The following ANKRD44 variants were observed in gnomAD, a reference collection of about 807,000 sequenced individuals.
The protein encoded by ANKRD44 is serine/threonine-protein phosphatase 6 regulatory ankyrin repeat subunit B.
ANKRD44 carries 35 observed loss-of-function variants against 116.0 expected under a neutral mutation model. That is an observed-to-expected ratio of 0.30 (90% CI 0.23 to 0.40). ANKRD44 has a LOEUF of 0.40. ANKRD44 is among the 10% of genes least tolerant of loss of function. ANKRD44 has a pLI of 1.00. For synonymous variants in ANKRD44, 435 were observed against 461.8 expected, an observed-to-expected ratio of 0.94 and a Z score of 0.74; for missense variants, 1,014 against 1,242.6, an observed-to-expected ratio of 0.82 and a Z score of 2.77.
At chr2:196,973,203 T>A (rs978208895) in intron 21 of ANKRD44, among the ~76,000 whole-genome samples, 1 of 152,208 alleles carries the variant, frequency 6.6e-6, no homozygotes, top group African/African-American at 2.4e-5. Flanking sequence ...ATGTTGAGAT[T>A]ATAAAATATA....
intron 16 of ANKRD44, among the ~76,000 whole-genome samples, chr2:197,041,332 T>C (rs2076907112): frequency 6.6e-6 from 1 of 152,166 alleles, no homozygotes; most frequent in Non-Finnish European, 1.5e-5. Context: ...AGGATTTTCA[T>C]ATGGGCTACC....
At chr2:197,127,866 T>C (rs1385211458) in intron 4 of ANKRD44, among the ~76,000 whole-genome samples, 2 of 152,184 alleles carry the variant, frequency 1.3e-5, no homozygotes, top group Admixed American at 6.5e-5. Context: ...CCTTCTCACA[T>C]GTCCCTCTGT....
chr2:197,277,697 A>C (rs182692622), intron 1 of ANKRD44, among the ~76,000 whole-genome samples: 40 of 152,270 alleles, frequency 2.6e-4, no homozygotes, highest in Admixed American at 9.1e-4. Context: ...GACCAGAGGG[A>C]AACAGGTAGG....
intron 8 of ANKRD44, among the ~76,000 whole-genome samples, chr2:197,114,449 C>T (rs2078662043): frequency 6.6e-6 from 1 of 152,148 alleles, no homozygotes; most frequent in African/African-American, 2.4e-5. Flanking sequence ...ATATTTACAA[C>T]AAATATTAGT....
chr2:197,010,694 G>GA (rs2076284156), intron 18 of ANKRD44, among the ~76,000 whole-genome samples: 1 of 152,202 alleles, frequency 6.6e-6, no homozygotes, highest in Non-Finnish European at 1.5e-5. Context: ...GAGAGCAACC[G>GA]TGGTTAAAAT....
chr2:197,115,750 A>G (rs936497384), intron 8 of ANKRD44, among the ~76,000 whole-genome samples: 1 of 152,228 alleles, frequency 6.6e-6, no homozygotes, highest in African/African-American at 2.4e-5. Flanking sequence ...TGTGGTACAG[A>G]GAGATAACAA....
chr2:196,998,026 G>A (rs968887493), intron 25 of ANKRD44, among the ~76,000 whole-genome samples: 1 of 152,166 alleles, frequency 6.6e-6, no homozygotes, highest in African/African-American at 2.4e-5. Flanking sequence ...CCAAAATGTG[G>A]TACAACAACC....
chr2:197,214,861 C>T (rs1443177375), intron 1 of ANKRD44, among the ~76,000 whole-genome samples: 2 of 152,038 alleles, frequency 1.3e-5, no homozygotes, highest in Admixed American at 6.6e-5. Context: ...ACTAGAAGAA[C>T]AGCTGGATTT....
At chr2:197,257,459 AC>A (rs761102478) in intron 1 of ANKRD44, among the ~76,000 whole-genome samples, 9 of 152,210 alleles carry the variant, frequency 5.9e-5, no homozygotes, top group Non-Finnish European at 1.0e-4. Context: ...GGGGAAAAAA[AC>A]AATCATGACT....
intron 21 of ANKRD44, among the ~76,000 whole-genome samples, chr2:196,969,806 T>G (rs368242802): frequency 6.6e-6 from 1 of 152,318 alleles, no homozygotes; most frequent in East Asian, 1.9e-4. Context: ...TTAATAGTGT[T>G]CAGAACCAGC....
chr2:197,058,509 T>A (rs1250866305), intron 16 of ANKRD44, among the ~76,000 whole-genome samples: 1 of 151,882 alleles, frequency 6.6e-6, no homozygotes, highest in African/African-American at 2.4e-5. Flanking sequence ...AATAGATAAG[T>A]TTAAGAAGAT....
chr2:196,979,554 C>CCTTTT (rs2075785197), intron 21 of ANKRD44, among the ~76,000 whole-genome samples: 1 of 59,634 alleles, frequency 1.7e-5, no homozygotes, highest in African/African-American at 6.4e-5. Flanking sequence ...AATAAGATGA[C>CCTTTT]TTTTTTTTTT....
At chr2:197,162,167 C>T (rs1226388384) in intron 2 of ANKRD44, among the ~76,000 whole-genome samples, 7 of 152,288 alleles carry the variant, frequency 4.6e-5, no homozygotes, top group Non-Finnish European at 8.8e-5. Flanking sequence ...TCTCTATAGT[C>T]CTCAAGTCAA....
intron 16 of ANKRD44, among the ~76,000 whole-genome samples, chr2:197,064,482 C>T (rs1029877854): frequency 2.6e-5 from 4 of 152,162 alleles, no homozygotes; most frequent in Non-Finnish European, 1.5e-5. Flanking sequence ...GGGCTAAATG[C>T]TCCAATTAAA....
At chr2:197,094,665 G>C (rs190079587) in intron 10 of ANKRD44, among the ~76,000 whole-genome samples, 15 of 152,184 alleles carry the variant, frequency 9.9e-5, no homozygotes, top group African/African-American at 3.6e-4. Context: ...TGCTCACTGA[G>C]AGGATGAGAC....
chr2:197,165,801 G>A (rs932192155), intron 2 of ANKRD44, among the ~76,000 whole-genome samples: 1 of 152,166 alleles, frequency 6.6e-6, no homozygotes, highest in Non-Finnish European at 1.5e-5. Flanking sequence ...CTATTGGTAC[G>A]TGATAGCTTT....
At chr2:197,289,113 T>A (rs961026088) in intron 1 of ANKRD44, among the ~76,000 whole-genome samples, 1 of 152,194 alleles carries the variant, frequency 6.6e-6, no homozygotes, top group African/African-American at 2.4e-5. Context: ...TACCCCCAAA[T>A]ACACTGGTTT....
intron 1 of ANKRD44, among the ~76,000 whole-genome samples, chr2:197,286,383 T>TC (rs1477841114): frequency 6.6e-6 from 1 of 151,330 alleles, no homozygotes; most frequent in Non-Finnish European, 1.5e-5. Flanking sequence ...TTTTTTTCTT[T>TC]TTTTTTTAAG....
intron 1 of ANKRD44, among the ~76,000 whole-genome samples, chr2:197,225,011 G>C (rs2081669173): frequency 6.6e-6 from 1 of 152,190 alleles, no homozygotes; most frequent in Non-Finnish European, 1.5e-5. Flanking sequence ...TGACACAAAA[G>C]AGGATTATAT....
Sources: allele counts gnomAD v4.1 joint callset (sites outside exome capture counted in the v4.1 genomes callset), GRCh38; gene constraint gnomAD v4.1.1; transcripts MANE v1.5; gene names NCBI Gene and HGNC (gene_info 2026-07-23, HGNC 2026-07-21).